PTPRQ: variants seen among roughly 807,000 people sequenced by gnomAD.
PTPRQ encodes the protein phosphatidylinositol phosphatase PTPRQ.
In PTPRQ, 199 loss-of-function variants were observed where a neutral mutation model predicts 246.0. That is an observed-to-expected ratio of 0.81 (90% CI 0.72 to 0.91). PTPRQ has a LOEUF of 0.91. PTPRQ is among the 40% of genes least tolerant of loss of function. PTPRQ has a pLI of 0.00. For missense variants in PTPRQ, 2,624 were observed against 2,528.4 expected (o/e 1.04, Z -0.81); for synonymous variants, 869 against 853.2 (o/e 1.02, Z -0.32).
intron 43 of PTPRQ, among the ~76,000 whole-genome samples, chr12:80,676,745 C>T (rs1901157613): frequency 2.0e-5 from 3 of 152,132 alleles, no homozygotes; most frequent in African/African-American, 7.2e-5. Flanking sequence ...TCCTAAGATA[C>T]TTTTAGTGCC....
chr12:80,602,941 A>C (rs748231808), intron 26 of PTPRQ, among the ~76,000 whole-genome samples: 28 of 151,718 alleles, frequency 1.8e-4, no homozygotes, highest in Admixed American at 3.9e-4. Flanking sequence ...TCATCTTTCC[A>C]TTTGCCAGAT....
At chr12:80,479,707 A>C (rs1329172023) in intron 8 of PTPRQ, among the ~76,000 whole-genome samples, 30 of 148,216 alleles carry the variant, frequency 2.0e-4, no homozygotes, top group East Asian at 7.8e-4. Flanking sequence ...GGAGAACAAA[A>C]AAAGGCAGGG....
intron 25 of PTPRQ, among the ~76,000 whole-genome samples, chr12:80,565,206 T>A (rs1333885566): frequency 6.6e-6 from 1 of 152,188 alleles, no homozygotes; most frequent in Non-Finnish European, 1.5e-5. Flanking sequence ...ACTTATAAAT[T>A]TAAAAGTTCT....
At chr12:80,630,014 T>C (rs1362809827) in intron 33 of PTPRQ, among the ~76,000 whole-genome samples, 2 of 152,202 alleles carry the variant, frequency 1.3e-5, no homozygotes, top group East Asian at 1.9e-4. Flanking sequence ...CTAAATACTT[T>C]AGTATGTTTC....
At chr12:80,528,095 A>G (rs534156917) in intron 17 of PTPRQ, among the ~76,000 whole-genome samples, 2 of 152,234 alleles carry the variant, frequency 1.3e-5, no homozygotes, top group African/African-American at 4.8e-5. Context: ...TGTCTCATAA[A>G]TAAATAAATA....
chr12:80,649,508 A>G, intron 36 of PTPRQ, 80 bp from the exon 37 acceptor site: 1 of 1,476,836 alleles, frequency 6.8e-7, no homozygotes. Flanking sequence ...TTAACTTGTT[A>G]AAAGTGAAGC....
chr12:80,553,530 C>G (rs1896549300), intron 25 of PTPRQ, among the ~76,000 whole-genome samples: 2 of 152,214 alleles, frequency 1.3e-5, no homozygotes, highest in East Asian at 1.9e-4. Flanking sequence ...TTATTTTTGA[C>G]ATAAAGTGAA....
At chr12:80,621,139 A>G (rs1898969846) in intron 32 of PTPRQ, among the ~76,000 whole-genome samples, 1 of 151,822 alleles carries the variant, frequency 6.6e-6, no homozygotes. Context: ...ATCCTAAGCC[A>G]AGTTAACATT....
chr12:80,492,064 C>CT (rs1894467794), intron 9 of PTPRQ, among the ~76,000 whole-genome samples: 2 of 151,790 alleles, frequency 1.3e-5, no homozygotes, highest in South Asian at 2.1e-4. Context: ...TCAGCATATT[C>CT]TTTTTTCAAA....
chr12:80,511,678 C>A (rs1414640418), intron 17 of PTPRQ, among the ~76,000 whole-genome samples: 1 of 152,156 alleles, frequency 6.6e-6, no homozygotes, highest in African/African-American at 2.4e-5. Context: ...CAAGAAAGAG[C>A]TTCTTGCCAT....
intron 28 of PTPRQ, 131 bp downstream of exon 28, chr12:80,610,756 T>C: frequency 1.8e-6 from 2 of 1,100,948 alleles, no homozygotes; most frequent in Non-Finnish European, 2.5e-6. Flanking sequence ...AAAAAATTAG[T>C]GACTCTCTGC....
At chr12:80,465,884 C>T (rs1377202577) in intron 6 of PTPRQ, among the ~76,000 whole-genome samples, 1 of 152,118 alleles carries the variant, frequency 6.6e-6, no homozygotes, top group Non-Finnish European at 1.5e-5. Flanking sequence ...CTATGACAAA[C>T]CCACAGCCAA....
In PTPRQ at chr12:80,542,779, C is replaced by G. The variant is rs755727357; in HGVS notation, c.3771C>G (p.Asp1257Glu). The change falls in exon 23 of 45, where the codon GAC becomes GAG. Residue 1257 changes from aspartate (D) to glutamate (E), a missense_variant. By Grantham distance (45) the Asp-to-Glu change is conservative. Coordinates refer to ENST00000644991, the MANE Select transcript of PTPRQ (RefSeq NM_001145026.2). ...TGACTTTAATCAACTGTACTTCAGACTTTGTATGGCTGAAATGGAGCCCAA... is the reference window on the plus strand; with the variant it reads ...TGACTTTAATCAACTGTACTTCAGAGTTTGTATGGCTGAAATGGAGCCCAA... ...QNLTLINCTSDFVWLKWSPSP... is the reference protein window; with the variant it reads ...QNLTLINCTSEFVWLKWSPSP... 1.9e-5 allele frequency: 29 copies of G among 1,549,238 alleles called. No homozygotes were observed. The highest frequency in any genetic ancestry group is 2.6e-6 in the Non-Finnish European group (3 of 1,145,964).
intron 35 of PTPRQ, among the ~76,000 whole-genome samples, chr12:80,642,933 A>C (rs867282308): frequency 3.5e-5 from 5 of 144,402 alleles, no homozygotes; most frequent in South Asian, 2.2e-4. Context: ...AAAAAAAAAA[A>C]AAAAAAAAAA....
chr12:80,633,412 T>A (rs897718346), intron 34 of PTPRQ, among the ~76,000 whole-genome samples: 1 of 152,218 alleles, frequency 6.6e-6, no homozygotes, highest in Non-Finnish European at 1.5e-5. Flanking sequence ...ATTCTCAGCA[T>A]CAGCATCCTA....
At chr12:80,486,308 C>T (rs557101257) in intron 9 of PTPRQ, among the ~76,000 whole-genome samples, 7 of 149,804 alleles carry the variant, frequency 4.7e-5, no homozygotes, top group African/African-American at 1.5e-4. Context: ...CCCTTATACT[C>T]TCTCAATGAA....
intron 28 of PTPRQ, among the ~76,000 whole-genome samples, chr12:80,612,827 G>T (rs1898604399): frequency 6.7e-6 from 1 of 150,290 alleles, no homozygotes; most frequent in African/African-American, 2.4e-5. Flanking sequence ...CCACAAAATG[G>T]AACACTACTC....
At chr12:80,624,693 G>A (rs115855188) in intron 33 of PTPRQ, among the ~76,000 whole-genome samples, 2,162 of 152,188 alleles carry the variant, frequency 0.014, 47 homozygotes, top group African/African-American at 0.049. Flanking sequence ...ATTGAGTGTC[G>A]TGGTTCTATG....
intron 19 of PTPRQ, 84 bp downstream of exon 19, chr12:80,535,121 G>T: frequency 7.7e-7 from 1 of 1,305,340 alleles, no homozygotes; most frequent in Non-Finnish European, 1.0e-6. Flanking sequence ...AAAAGAAATT[G>T]TTTACCTTAC....
Sources: allele counts gnomAD v4.1 joint callset (sites outside exome capture counted in the v4.1 genomes callset), GRCh38; gene constraint gnomAD v4.1.1; transcripts MANE v1.5; gene names NCBI Gene and HGNC (gene_info 2026-07-23, HGNC 2026-07-21).